Variants in CALCR observed in about 807,000 individuals in gnomAD.
CALCR encodes the protein calcitonin receptor.
Under a neutral mutation model 59.5 loss-of-function variants are expected in CALCR, and 47 were observed. The observed-to-expected ratio is 0.79, with a 90% CI of 0.63 to 1.01. The LOEUF is 1.01. CALCR is among the 50% of genes least tolerant of loss of function. CALCR has a pLI of 0.00. For missense variants in CALCR, 566 were observed against 597.1 expected (o/e 0.95, Z 0.54); for synonymous variants, 213 against 211.3 (o/e 1.01, Z -0.07).
At chr7:93,451,726 T>C (rs1441118010) in intron 8 of CALCR, among the ~76,000 whole-genome samples, 1 of 152,038 alleles carries the variant, frequency 6.6e-6, no homozygotes, top group East Asian at 1.9e-4. Context: ...TCTGCATTTC[T>C]TATTTATTTA....
At chr7:93,551,257 T>C (rs560589051) in intron 2 of CALCR, among the ~76,000 whole-genome samples, 2 of 152,304 alleles carry the variant, frequency 1.3e-5, no homozygotes, top group East Asian at 3.9e-4. Context: ...CGCCACCTTA[T>C]GGAGAACTTG....
intron 2 of CALCR, among the ~76,000 whole-genome samples, chr7:93,539,752 T>C (rs1347303371): frequency 6.6e-6 from 1 of 152,142 alleles, no homozygotes; most frequent in African/African-American, 2.4e-5. Flanking sequence ...GCAAAGGCTG[T>C]GATGGAAAGA....
intron 2 of CALCR, among the ~76,000 whole-genome samples, chr7:93,572,767 T>C: frequency 6.6e-6 from 1 of 152,218 alleles, no homozygotes; most frequent in East Asian, 1.9e-4. Flanking sequence ...TTATATCAGC[T>C]ATTTCTTTTT....
intron 2 of CALCR, among the ~76,000 whole-genome samples, chr7:93,488,170 C>T (rs548537703): frequency 4.6e-5 from 7 of 151,420 alleles, no homozygotes; most frequent in East Asian, 2.0e-4. Flanking sequence ...GCTTCATAAG[C>T]GAAGAAGAAA....
intron 2 of CALCR, among the ~76,000 whole-genome samples, chr7:93,532,924 G>A (rs10238933): frequency 1.3e-5 from 2 of 148,366 alleles, no homozygotes; most frequent in Non-Finnish European, 1.5e-5. Flanking sequence ...GGTGATAATA[G>A]TACTTGCCTT....
At position 93,426,109 on chromosome 7, in the gene CALCR, T is replaced by G; in HGVS notation, c.*247A>C. The G allele has an allele frequency of 2.4e-6, 1 of 413,568 alleles. No homozygotes were observed. Among genetic ancestry groups the G allele is most frequent in the Non-Finnish European group, 4.3e-6 (1 of 234,692 alleles). The allele number at this position is 413,568 out of a possible 1,614,324, so 25.6% of individuals were successfully genotyped here. A position where few individuals can be genotyped will look rare whatever the true frequency, so the allele number is the denominator to read the frequency against. Reference sequence around the variant, plus strand: ...ATACTTTGCTTGCATTACTGTGACATTTGCATCTCAGTCCTGGATGAATGA... The same window carrying G: ...ATACTTTGCTTGCATTACTGTGACAGTTGCATCTCAGTCCTGGATGAATGA... On this transcript the variant is annotated 3_prime_UTR_variant, in exon 14 of 14. Coordinates refer to ENST00000426151, the MANE Select transcript of CALCR (RefSeq NM_001742.4).
intron 8 of CALCR, among the ~76,000 whole-genome samples, chr7:93,458,463 T>C (rs946037857): frequency 2.7e-4 from 41 of 152,270 alleles, no homozygotes; most frequent in African/African-American, 8.9e-4. Flanking sequence ...TATTTGTGCT[T>C]CCAGATGCAC....
chr7:93,433,004 T>C (rs1799689939), intron 13 of CALCR, among the ~76,000 whole-genome samples: 1 of 152,182 alleles, frequency 6.6e-6, no homozygotes, highest in South Asian at 2.1e-4. Flanking sequence ...TTAGCAATAG[T>C]AAATGCACAA....
chr7:93,541,828 A>G (rs1789149010), intron 2 of CALCR, among the ~76,000 whole-genome samples: 1 of 152,212 alleles, frequency 6.6e-6, no homozygotes, highest in South Asian at 2.1e-4. Context: ...GGATCTCCAG[A>G]CTTCTAAATA....
intron 2 of CALCR, among the ~76,000 whole-genome samples, chr7:93,525,323 A>G (rs1801854372): frequency 6.6e-6 from 1 of 152,122 alleles, no homozygotes; most frequent in African/African-American, 2.4e-5. Flanking sequence ...GATTTTTTTG[A>G]CAGAGTCTGG....
Position 93,461,972 on chromosome 7 carries a change from A to T in CALCR, c.522-1025T>A, listed in dbSNP as rs188337172. 119 of 786,476 alleles carry T rather than the reference A, an allele frequency of 1.5e-4. 1 individual carries two copies. The East Asian group carries it at 2.8e-3, about 18-fold the overall frequency. 48.7% of individuals were successfully genotyped at this position (786,476 alleles called of 1,614,324 possible). ...CTCATAACACTAACTATTCCTAAAA[A>T]TATCTTCATGGAATAAAGTTAGAAA... On this transcript the variant is annotated intron_variant, in intron 7 of 13. Transcript: ENST00000426151.
intron 2 of CALCR, among the ~76,000 whole-genome samples, chr7:93,499,058 T>C (rs1443773007): frequency 6.6e-6 from 1 of 151,678 alleles, no homozygotes; most frequent in Non-Finnish European, 1.5e-5. Flanking sequence ...TTTCATTACT[T>C]ATAAAATTAG....
chr7:93,478,443 T>C (rs1800718359), intron 4 of CALCR, among the ~76,000 whole-genome samples: 1 of 151,756 alleles, frequency 6.6e-6, no homozygotes, highest in Non-Finnish European at 1.5e-5. Context: ...GTCTCACGCC[T>C]GTAATCCTAG....
intron 2 of CALCR, among the ~76,000 whole-genome samples, chr7:93,550,446 C>T (rs1414570874): frequency 7.1e-6 from 1 of 140,554 alleles, no homozygotes; most frequent in Non-Finnish European, 1.5e-5. Flanking sequence ...CGAGATCATG[C>T]CATTGCACTC....
Position 93,532,838 on chromosome 7 carries a change from C to CAAAAAAAAAAAAAAAAAAAAAAAAAAA in CALCR, c.-27+41450_-27+41451insTTTTTTTTTTTTTTTTTTTTTTTTTTT, listed in dbSNP as rs57128008. Among the ~76,000 whole-genome samples, 28 of 95,676 alleles carry CAAAAAAAAAAAAAAAAAAAAAAAAAAA rather than the reference C, an allele frequency of 2.9e-4. 4 individuals are homozygous for CAAAAAAAAAAAAAAAAAAAAAAAAAAA. Among genetic ancestry groups the CAAAAAAAAAAAAAAAAAAAAAAAAAAA allele is most frequent in the African/African-American group, 1.3e-3 (26 of 19,926 alleles). The allele number at this position is 95,676 out of a possible 152,430, so 62.8% of individuals were successfully genotyped here. A position where few individuals can be genotyped will look rare whatever the true frequency, so the allele number is the denominator to read the frequency against. On this transcript the variant is annotated intron_variant, in intron 2 of 13. Coordinates refer to ENST00000426151, the MANE Select transcript of CALCR (RefSeq NM_001742.4). The stretch of plus-strand genomic sequence containing the variant: ...TAGCCTTGATTCCTCATGTCCAAAG[C>CAAAAAAAAAAAAAAAAAAAAAAAAAAA]AAAAAAAAAAAAAAAAAAAAAAAAA...
intron 2 of CALCR, among the ~76,000 whole-genome samples, chr7:93,493,914 A>G (rs762495916): frequency 2.0e-4 from 30 of 151,372 alleles, no homozygotes; most frequent in Non-Finnish European, 3.8e-4. Flanking sequence ...AGTTTTTGAG[A>G]TGTATACATA....
chr7:93,565,408 T>C (rs1394215254), intron 2 of CALCR, among the ~76,000 whole-genome samples: 1 of 152,244 alleles, frequency 6.6e-6, no homozygotes, highest in Non-Finnish European at 1.5e-5. Flanking sequence ...ATTGCTACTC[T>C]TCAAATATGC....
chr7:93,490,961 C>T (rs755083440), intron 2 of CALCR, among the ~76,000 whole-genome samples: 1 of 151,856 alleles, frequency 6.6e-6, no homozygotes, highest in Non-Finnish European at 1.5e-5. Context: ...CAGTCCTAAG[C>T]AAAAAGAACA....
intron 2 of CALCR, among the ~76,000 whole-genome samples, chr7:93,525,313 G>T (rs1182627420): frequency 6.6e-6 from 1 of 152,092 alleles, no homozygotes; most frequent in Non-Finnish European, 1.5e-5. Context: ...TTATTAAAAA[G>T]ATTTTTTTGA....
Sources: gnomAD v4.1 joint callset for allele counts (sites outside exome capture counted in the v4.1 genomes callset) on GRCh38, gnomAD v4.1.1 for gene constraint, MANE v1.5 for transcripts, NCBI Gene and HGNC (gene_info 2026-07-23, HGNC 2026-07-21) for gene names.